The following MEIKIN variants were observed in gnomAD, a reference collection of about 807,000 sequenced individuals.
The protein encoded by MEIKIN is meiotic kinetochore factor, also known as meiosis-specific kinetochore protein.
chr5:131,810,810 A>G (rs1465004747), intron 12 of MEIKIN, among the ~76,000 whole-genome samples: 1 of 152,162 alleles, frequency 6.6e-6, no homozygotes, highest in East Asian at 1.9e-4. Context: ...ATTGTTTTTT[A>G]TTTAATCAGC....
At chr5:131,888,512 T>C (rs1481891795) in intron 8 of MEIKIN, among the ~76,000 whole-genome samples, 2 of 152,234 alleles carry the variant, frequency 1.3e-5, no homozygotes, top group African/African-American at 2.4e-5. Context: ...TGTCTTCTTT[T>C]GAGAAGTGTC....
intron 12 of MEIKIN, among the ~76,000 whole-genome samples, chr5:131,816,956 G>T (rs1315076678): frequency 1.3e-5 from 2 of 152,116 alleles, no homozygotes; most frequent in East Asian, 3.9e-4. Context: ...ATCTGTTTCT[G>T]TGAGGATGTT....
chr5:131,916,513 C>A (rs1227641246), intron 7 of MEIKIN, among the ~76,000 whole-genome samples: 2 of 152,212 alleles, frequency 1.3e-5, no homozygotes, highest in Non-Finnish European at 2.9e-5. Flanking sequence ...ATTACCCCAA[C>A]CCACTCTTGT....
chr5:131,919,835 C>G (rs764011715), intron 6 of MEIKIN, among the ~76,000 whole-genome samples: 11 of 152,118 alleles, frequency 7.2e-5, no homozygotes, highest in Non-Finnish European at 1.6e-4. Context: ...TGACAATTTT[C>G]TGAGAATAAC....
intron 8 of MEIKIN, among the ~76,000 whole-genome samples, chr5:131,907,087 G>C (rs1032626428): frequency 1.3e-5 from 2 of 152,090 alleles, no homozygotes; most frequent in African/African-American, 4.8e-5. Flanking sequence ...GCTCCTGAAT[G>C]ACTAGTGAGT....
intron 9 of MEIKIN, among the ~76,000 whole-genome samples, chr5:131,857,402 C>T (rs1750213624): frequency 6.6e-6 from 1 of 152,136 alleles, no homozygotes; most frequent in Non-Finnish European, 1.5e-5. Flanking sequence ...CTCCAAGGCT[C>T]GCCATACTCT....
chr5:131,931,263 C>T (rs1176595055), intron 5 of MEIKIN, among the ~76,000 whole-genome samples: 1 of 152,160 alleles, frequency 6.6e-6, no homozygotes, highest in Admixed American at 6.5e-5. Context: ...CCAAGAACAT[C>T]CCTTGAAAAG....
intron 9 of MEIKIN, among the ~76,000 whole-genome samples, chr5:131,872,078 A>G (rs955926910): frequency 2.0e-5 from 3 of 152,188 alleles, no homozygotes; most frequent in African/African-American, 7.2e-5. Flanking sequence ...GGAAACTCTA[A>G]AAATCAGAGC....
rs544196264 is a variant in MEIKIN at position 131,941,175 on chromosome 5, T to G, written c.349+1460A>C. Among the ~76,000 whole-genome samples, 28 of 117,842 alleles carry G rather than the reference T, an allele frequency of 2.4e-4. No individual in the cohort carries two copies. The South Asian group carries it at 5.0e-3, about 21-fold the overall frequency. 77.3% of individuals were successfully genotyped at this position (117,842 alleles called of 152,430 possible). On this transcript the variant is annotated intron_variant, in intron 4 of 12. Transcript: ENST00000442687. ...TTTTTTTTTTTTTTTTTTTTTTTTT[T>G]GTGACGAAGTCTCGCTGTTGTCCCC...
Position 131,891,022 on chromosome 5 carries a change from C to T in MEIKIN, c.704-11974G>A, listed in dbSNP as rs1217977553. The stretch of plus-strand genomic sequence containing the variant: ...GTTGTTCAGTTTCCATGTAGTTGAG[C>T]GGTTTTGAGTGAGTTTCTTAACCCT... On this transcript the variant is annotated intron_variant, in intron 8 of 12. Coordinates refer to ENST00000442687, the MANE Select transcript of MEIKIN (RefSeq NM_001303622.2). Among the ~76,000 whole-genome samples, 23 of 150,990 alleles carry T rather than the reference C, an allele frequency of 1.5e-4. No homozygotes were observed. The South Asian group carries it at 2.5e-3, about 17-fold the overall frequency.
chr5:131,909,934 A>G (rs1751305028), intron 8 of MEIKIN, among the ~76,000 whole-genome samples: 1 of 152,118 alleles, frequency 6.6e-6, no homozygotes, highest in Non-Finnish European at 1.5e-5. Flanking sequence ...GCCGGTGAGG[A>G]TGTGGAGAAA....
intron 9 of MEIKIN, among the ~76,000 whole-genome samples, chr5:131,867,011 C>A (rs1170702934): frequency 6.6e-6 from 1 of 152,120 alleles, no homozygotes; most frequent in Non-Finnish European, 1.5e-5. Flanking sequence ...CCTGCATATT[C>A]ATCCAGTTAC....
At chr5:131,824,577 A>G (rs1056679207) in intron 11 of MEIKIN, among the ~76,000 whole-genome samples, 5 of 152,196 alleles carry the variant, frequency 3.3e-5, no homozygotes, top group Non-Finnish European at 5.9e-5. Flanking sequence ...AGAAGATTTG[A>G]AAAAGAACCA....
rs149948608 is a variant in MEIKIN at position 131,811,642 on chromosome 5, T to C, written c.1100-4384A>G. Among the ~76,000 whole-genome samples the C allele has an allele frequency of 3.7e-3, 566 of 151,436 alleles. 4 individuals carry two copies. The highest frequency in any genetic ancestry group is 0.013 in the African/African-American group (536 of 41,210). The stretch of plus-strand genomic sequence containing the variant: ...TTTTTTTTTTGAGATGCAGTCTCAC[T>C]CTCGCCCAGGCTGGAGTGCAGTGGC... On this transcript the variant is annotated intron_variant, in intron 12 of 12. Transcript: ENST00000442687.
At chr5:131,922,227 A>G (rs182937456) in intron 5 of MEIKIN, among the ~76,000 whole-genome samples, 2 of 152,318 alleles carry the variant, frequency 1.3e-5, no homozygotes, top group East Asian at 3.9e-4. Flanking sequence ...TATATTTTAT[A>G]TATGTTATAC....
chr5:131,843,703 C>T (rs1447103406), intron 11 of MEIKIN, among the ~76,000 whole-genome samples: 1 of 152,216 alleles, frequency 6.6e-6, no homozygotes, highest in East Asian at 1.9e-4. Context: ...CTGTCCATAT[C>T]ACTATCAGCA....
Position 131,871,021 on chromosome 5 carries a change from G to A in MEIKIN, c.774+7957C>T, listed in dbSNP as rs542464511. On this transcript the variant is annotated intron_variant, in intron 9 of 12. Transcript: ENST00000442687. The stretch of plus-strand genomic sequence containing the variant: ...ATAAAATAGGTAAAAACAGAAGGAG[G>A]AGCCAAGATGGCCGAATAGGAACAG... Among the ~76,000 whole-genome samples, 6 of 152,300 alleles carry A rather than the reference G, an allele frequency of 3.9e-5. No homozygotes were observed. In the South Asian group the frequency reaches 1.2e-3, roughly 32 times the overall value.
At chr5:131,920,089 C>A (rs1751480207) in intron 6 of MEIKIN, among the ~76,000 whole-genome samples, 1 of 152,228 alleles carries the variant, frequency 6.6e-6, no homozygotes, top group African/African-American at 2.4e-5. Flanking sequence ...GAACTGTATG[C>A]AAATGCTGTA....
intron 11 of MEIKIN, among the ~76,000 whole-genome samples, chr5:131,837,473 T>C (rs1749830186): frequency 6.6e-6 from 1 of 152,178 alleles, no homozygotes; most frequent in Non-Finnish European, 1.5e-5. Flanking sequence ...ACGATGTTGA[T>C]TCTTTCTATT....
Sources: gnomAD v4.1 joint callset for allele counts (sites outside exome capture counted in the v4.1 genomes callset) on GRCh38, gnomAD v4.1.1 for gene constraint, MANE v1.5 for transcripts, NCBI Gene and HGNC (gene_info 2026-07-23, HGNC 2026-07-21) for gene names.